Variants in RAVER2 observed in about 807,000 individuals in gnomAD.
RAVER2 encodes ribonucleoprotein, PTB binding 2.
RAVER2 carries 46 observed loss-of-function variants against 78.1 expected under a neutral mutation model. That is an observed-to-expected ratio of 0.59 (90% CI 0.46 to 0.75). RAVER2 has a LOEUF of 0.75. Ranked by LOEUF, RAVER2 falls within the 30% of genes least tolerant of loss-of-function variation. The pLI, the probability that RAVER2 is intolerant of heterozygous loss-of-function variation, is 0.00. For missense variants in RAVER2, 793 were observed against 837.5 expected (o/e 0.95, Z 0.66); for synonymous variants, 311 against 313.3 (o/e 0.99, Z 0.08).
At chr1:64,829,960 C>T (rs1017327210) in intron 11 of RAVER2, among the ~76,000 whole-genome samples, 2 of 152,034 alleles carry the variant, frequency 1.3e-5, no homozygotes, top group African/African-American at 4.8e-5. Flanking sequence ...CATCTGTTCC[C>T]TCTGAGGCTG....
chr1:64,788,655 T>G (rs1182336727), intron 4 of RAVER2, among the ~76,000 whole-genome samples: 3 of 146,202 alleles, frequency 2.1e-5, no homozygotes, highest in African/African-American at 7.6e-5. Flanking sequence ...AGCCAGGCGT[T>G]GTGGCGGGTG....
chr1:64,795,361 G>C (rs553714638), intron 5 of RAVER2, among the ~76,000 whole-genome samples: 64 of 152,106 alleles, frequency 4.2e-4, no homozygotes, highest in South Asian at 3.9e-3. Context: ...ATGTCGGCTG[G>C]GATTTTGATT....
exon 3 of RAVER2, chr1:64,777,770 C>T (rs901473013): frequency 1.2e-6 from 2 of 1,613,924 alleles, no homozygotes; most frequent in African/African-American, 1.3e-5. Flanking sequence ...TCTTTTACAT[C>T]AGAAGAGTTT....
At chr1:64,793,356 T>C (rs1252983797) in intron 5 of RAVER2, among the ~76,000 whole-genome samples, 1 of 152,192 alleles carries the variant, frequency 6.6e-6, no homozygotes, top group Non-Finnish European at 1.5e-5. Flanking sequence ...TTAGATTAAT[T>C]TCCCTCCCAG....
intron 4 of RAVER2, 103 bp downstream of exon 4, chr1:64,781,674 A>G: frequency 2.7e-6 from 3 of 1,109,490 alleles, no homozygotes; most frequent in Non-Finnish European, 3.7e-6. Flanking sequence ...CGATTGCACC[A>G]TCATTGCATT....
chr1:64,805,064 T>G, exon 8 of RAVER2: 1 of 1,613,996 alleles, frequency 6.2e-7, no homozygotes, highest in Non-Finnish European at 8.5e-7. Context: ...GTGCTTCCAT[T>G]GAAAAAGGAG....
chr1:64,763,953 C>CACCCCT (rs1553152193), intron 1 of RAVER2, among the ~76,000 whole-genome samples: 10 of 151,108 alleles, frequency 6.6e-5, no homozygotes, highest in Non-Finnish European at 1.2e-4. Context: ...CACACACACA[C>CACCCCT]ACCCCTACCA....
intron 5 of RAVER2, among the ~76,000 whole-genome samples, chr1:64,798,603 T>C (rs1456996753): frequency 6.6e-6 from 1 of 152,202 alleles, no homozygotes; most frequent in East Asian, 1.9e-4. Flanking sequence ...CCATAATAGT[T>C]TTTTGAGGGA....
chr1:64,823,941 G>T (rs149500967), intron 11 of RAVER2, among the ~76,000 whole-genome samples: 1 of 151,578 alleles, frequency 6.6e-6, no homozygotes, highest in Admixed American at 6.6e-5. Flanking sequence ...CGAGTAGCTC[G>T]AATTACAAGC....
At position 64,779,389 on chromosome 1, in the gene RAVER2, A is replaced by T. The variant is rs1172332216; in HGVS notation, c.786+1297A>T. Among the ~76,000 whole-genome samples, 4 of 149,638 alleles carry T rather than the reference A, an allele frequency of 2.7e-5. No homozygotes were observed. The South Asian group carries it at 6.4e-4, about 24-fold the overall frequency. ...TTTTGCAGTAATATATATTTTTAACATTTTTTTTTTGAGACAGGGTCTTTC... is the reference window on the plus strand; with the variant it reads ...TTTTGCAGTAATATATATTTTTAACTTTTTTTTTTTGAGACAGGGTCTTTC... On this transcript the variant is annotated intron_variant, in intron 3 of 11. Transcript: ENST00000294428.
intron 2 of RAVER2, among the ~76,000 whole-genome samples, chr1:64,771,871 A>C (rs1171348787): frequency 1.8e-5 from 2 of 109,642 alleles, no homozygotes; most frequent in East Asian, 3.0e-4. Flanking sequence ...TTAATAACTC[A>C]GTTGATAAAA....
At chr1:64,801,528 T>C (rs544777109) in intron 5 of RAVER2, among the ~76,000 whole-genome samples, 1 of 152,102 alleles carries the variant, frequency 6.6e-6, no homozygotes, top group East Asian at 1.9e-4. Flanking sequence ...CCCTTTTTTT[T>C]TTTTTTAAAG....
intron 2 of RAVER2, among the ~76,000 whole-genome samples, chr1:64,769,929 A>G (rs1291010522): frequency 2.6e-5 from 4 of 151,996 alleles, no homozygotes; most frequent in South Asian, 2.1e-4. Flanking sequence ...ATTCTAATGT[A>G]TATTTCATTT....
intron 1 of RAVER2, among the ~76,000 whole-genome samples, chr1:64,759,243 G>A (rs1469144518): frequency 1.3e-5 from 2 of 150,450 alleles, no homozygotes; most frequent in African/African-American, 4.9e-5. Flanking sequence ...TTTTGGAGAC[G>A]GAGTCTTGCT....
intron 5 of RAVER2, among the ~76,000 whole-genome samples, chr1:64,793,020 T>A (rs1652987448): frequency 6.6e-6 from 1 of 152,110 alleles, no homozygotes; most frequent in Non-Finnish European, 1.5e-5. Flanking sequence ...CTGGCCAACA[T>A]GGCGAAACCC....
chr1:64,801,184 C>T (rs534521004), intron 5 of RAVER2, among the ~76,000 whole-genome samples: 3 of 151,646 alleles, frequency 2.0e-5, no homozygotes, highest in Non-Finnish European at 2.9e-5. Context: ...CTGCAACCTC[C>T]GCCTCCCAGC....
At chr1:64,795,786 T>G (rs184776432) in intron 5 of RAVER2, among the ~76,000 whole-genome samples, 1 of 152,196 alleles carries the variant, frequency 6.6e-6, no homozygotes, top group Admixed American at 6.5e-5. Flanking sequence ...ATGTATGGCT[T>G]CTATTTTTTT....
At chr1:64,783,334 T>C (rs1652686263) in intron 4 of RAVER2, among the ~76,000 whole-genome samples, 1 of 152,178 alleles carries the variant, frequency 6.6e-6, no homozygotes, top group Admixed American at 6.5e-5. Flanking sequence ...TTGAACTAAT[T>C]TACACTCCCA....
chr1:64,792,455 T>C (rs1652970188), intron 5 of RAVER2, among the ~76,000 whole-genome samples: 1 of 152,244 alleles, frequency 6.6e-6, no homozygotes, highest in Non-Finnish European at 1.5e-5. Context: ...AAGTATCATC[T>C]GCCTCTTTGG....
Sources: allele counts gnomAD v4.1 joint callset (sites outside exome capture counted in the v4.1 genomes callset), GRCh38; gene constraint gnomAD v4.1.1; transcripts MANE v1.5; gene names NCBI Gene and HGNC (gene_info 2026-07-23, HGNC 2026-07-21).